Variants in TMEM178B observed in about 807,000 individuals in gnomAD.
TMEM178B encodes transmembrane protein 178B.
TMEM178B carries 5 observed loss-of-function variants against 31.0 expected under a neutral mutation model. The ratio of observed to expected loss-of-function variants is 0.16; its 90% confidence interval spans 0.08 to 0.34. The LOEUF is 0.34. TMEM178B is among the 10% of genes least tolerant of loss of function. TMEM178B has a pLI of 1.00. For synonymous variants in TMEM178B, 164 were observed against 164.0 expected (o/e 1.00, Z 0.00); for missense variants, 275 against 400.3 (o/e 0.69, Z 2.67).
At chr7:141,238,625 A>G (rs1394521271) in intron 2 of TMEM178B, among the ~76,000 whole-genome samples, 1 of 152,186 alleles carries the variant, frequency 6.6e-6, no homozygotes, top group Non-Finnish European at 1.5e-5. Context: ...TGGGAGAAAA[A>G]TCACTCTTAG....
At chr7:141,126,811 A>C (rs563363727) in intron 1 of TMEM178B, among the ~76,000 whole-genome samples, 1 of 151,912 alleles carries the variant, frequency 6.6e-6, no homozygotes, top group East Asian at 1.9e-4. Context: ...CCCTGGGGGA[A>C]TTTTGAGACC....
intron 2 of TMEM178B, among the ~76,000 whole-genome samples, chr7:141,383,546 A>G (rs1362908111): frequency 2.0e-5 from 3 of 151,634 alleles, no homozygotes; most frequent in Non-Finnish European, 2.9e-5. Flanking sequence ...AAGGACATGA[A>G]CTCATCCTTT....
At chr7:141,153,253 T>C (rs915829571) in intron 1 of TMEM178B, among the ~76,000 whole-genome samples, 2 of 152,238 alleles carry the variant, frequency 1.3e-5, no homozygotes, top group African/African-American at 4.8e-5. Context: ...TTCCCCCATC[T>C]CTGCAATATA....
chr7:141,209,191 T>A (rs920067863), intron 1 of TMEM178B, among the ~76,000 whole-genome samples: 2 of 152,182 alleles, frequency 1.3e-5, no homozygotes, highest in African/African-American at 4.8e-5. Context: ...ACCCTTTATA[T>A]CTTCCTTTCC....
intron 2 of TMEM178B, among the ~76,000 whole-genome samples, chr7:141,277,338 TA>T (rs1210178693): frequency 1.3e-5 from 2 of 152,184 alleles, no homozygotes; most frequent in Non-Finnish European, 2.9e-5. Flanking sequence ...ACTTCTTTGT[TA>T]AAAACAAAGA....
chr7:141,292,510 T>C (rs1184619249), intron 2 of TMEM178B, among the ~76,000 whole-genome samples: 2 of 152,196 alleles, frequency 1.3e-5, no homozygotes, highest in Non-Finnish European at 2.9e-5. Flanking sequence ...AGCCCACACA[T>C]GTCCTGAAAG....
At chr7:141,497,251 G>T in the TMEM178B span, among the ~76,000 whole-genome samples, 1 of 152,190 alleles carries the variant, frequency 6.6e-6, no homozygotes, top group Non-Finnish European at 1.5e-5. Flanking sequence ...GAGGCAGAAC[G>T]TGCTTCTAAA....
rs533354103 is a variant in TMEM178B, at chr7:141,189,341, A to G, written c.383-23250A>G. Among the ~76,000 whole-genome samples, 3 of 152,288 alleles carry G rather than the reference A, an allele frequency of 2.0e-5. No individual in the cohort carries two copies. The East Asian group carries it at 5.8e-4, about 29-fold the overall frequency. ...AGAGTAGAGGAAACCCTTCCAGGGCACTCTGGTGTCAGGAATGAATAGCTG... is the reference window on the plus strand; with the variant it reads ...AGAGTAGAGGAAACCCTTCCAGGGCGCTCTGGTGTCAGGAATGAATAGCTG... On this transcript the variant is annotated intron_variant, in intron 1 of 3. Transcript: ENST00000565468.
At chr7:141,220,617 C>G (rs1172626673) in intron 2 of TMEM178B, among the ~76,000 whole-genome samples, 2 of 152,106 alleles carry the variant, frequency 1.3e-5, no homozygotes, top group Non-Finnish European at 2.9e-5. Flanking sequence ...ACCTAAGAAC[C>G]ACTGTGCTGG....
intron 2 of TMEM178B, among the ~76,000 whole-genome samples, chr7:141,222,852 G>A (rs1356129456): frequency 6.6e-6 from 1 of 152,208 alleles, no homozygotes; most frequent in East Asian, 1.9e-4. Context: ...TGTGAAAGGA[G>A]TTTCAGGGCA....
intron 2 of TMEM178B, among the ~76,000 whole-genome samples, chr7:141,393,050 G>T (rs1800574632): frequency 6.6e-6 from 1 of 152,152 alleles, no homozygotes; most frequent in African/African-American, 2.4e-5. Context: ...CTTAGCCTGT[G>T]CTTTTGTGGC....
At chr7:141,258,607 G>A (rs1365345744) in intron 2 of TMEM178B, among the ~76,000 whole-genome samples, 4 of 152,200 alleles carry the variant, frequency 2.6e-5, no homozygotes, top group African/African-American at 7.2e-5. Context: ...TTCAGCCCGA[G>A]GGCTTCCTTT....
At chr7:141,196,461 C>A (rs1288486814) in intron 1 of TMEM178B, among the ~76,000 whole-genome samples, 1 of 152,128 alleles carries the variant, frequency 6.6e-6, no homozygotes, top group Non-Finnish European at 1.5e-5. Context: ...TTTCTATTTC[C>A]CCTGTCTTTA....
rs1422868319 is a variant in TMEM178B, at chr7:141,422,994, A to G, written c.497-14614A>G. Among the ~76,000 whole-genome samples the G allele has an allele frequency of 6.6e-6, 1 of 152,230 alleles. No homozygotes were observed. The highest frequency in any genetic ancestry group is 1.5e-5 in the Non-Finnish European group (1 of 68,046). On this transcript the variant is annotated intron_variant, in intron 2 of 3. Transcript: ENST00000565468. This position sits in a 1 kb window ranked among gnomAD's most constrained non-coding sequence, Gnocchi z 4.2. Reference sequence around the variant, plus strand: ...CATGTGTAACTTAAAATGTTCTATTAGCCACCTTACAGACACAAAAAGAAA... The same window carrying G: ...CATGTGTAACTTAAAATGTTCTATTGGCCACCTTACAGACACAAAAAGAAA...
chr7:141,106,643 A>C (rs1040426748), intron 1 of TMEM178B, among the ~76,000 whole-genome samples: 6 of 152,208 alleles, frequency 3.9e-5, no homozygotes, highest in African/African-American at 1.4e-4. Flanking sequence ...TAATTTGATA[A>C]ACACATTTGT....
intron 3 of TMEM178B, among the ~76,000 whole-genome samples, chr7:141,449,619 T>C (rs1232392437): frequency 6.6e-6 from 1 of 152,036 alleles, no homozygotes; most frequent in Non-Finnish European, 1.5e-5. Context: ...ACATTCTCAG[T>C]GAGTAAGTCA....
intron 1 of TMEM178B, among the ~76,000 whole-genome samples, chr7:141,081,463 C>T (rs910935769): frequency 2.6e-4 from 40 of 152,048 alleles, no homozygotes; most frequent in African/African-American, 8.9e-4. Flanking sequence ...GGTGAAACCC[C>T]GTCTCTACTA....
At chr7:141,341,510 T>G (rs1799515211) in intron 2 of TMEM178B, among the ~76,000 whole-genome samples, 1 of 152,148 alleles carries the variant, frequency 6.6e-6, no homozygotes, top group Non-Finnish European at 1.5e-5. Flanking sequence ...CATCTCTCAT[T>G]TCTCTCTGAG....
chr7:141,414,657 T>G (rs1801065023), intron 2 of TMEM178B: 1 of 152,612 alleles, frequency 6.6e-6, no homozygotes, highest in African/African-American at 2.4e-5. Flanking sequence ...TATAGAAAGC[T>G]ATTGTCTAGC....
Sources: gnomAD v4.1 joint callset for allele counts (sites outside exome capture counted in the v4.1 genomes callset) on GRCh38, gnomAD v4.1.1 for gene constraint, Gnocchi (gnomAD v3.1) non-coding constraint, MANE v1.5 for transcripts, NCBI Gene and HGNC (gene_info 2026-07-23, HGNC 2026-07-21) for gene names.